The following MASP1 variants were observed in gnomAD, a reference collection of about 807,000 sequenced individuals.
MASP1 encodes the protein MBL associated serine protease 1.
A neutral mutation model predicts 77.1 loss-of-function variants in MASP1; 59 were observed. The observed-to-expected ratio is 0.77, with a 90% CI of 0.62 to 0.95. The LOEUF (loss-of-function observed/expected upper bound fraction) is 0.95. Ranked by LOEUF, MASP1 falls within the 40% of genes least tolerant of loss-of-function variation. The pLI, the probability that MASP1 is intolerant of heterozygous loss-of-function variation, is 0.00. For missense variants in MASP1, 885 were observed against 912.9 expected (o/e 0.97, Z 0.39); for synonymous variants, 362 against 354.5 (o/e 1.02, Z -0.24).
chr3:187,241,394 C>G (rs1713624393), intron 10 of MASP1, 87 bp downstream of exon 10: 1 of 1,020,850 alleles, frequency 9.8e-7, no homozygotes, highest in East Asian at 2.4e-5. Context: ...CCCCTGTCCC[C>G]CATCACCCTG....
At chr3:187,268,455 C>A (rs962240734) in intron 2 of MASP1, among the ~76,000 whole-genome samples, 1 of 150,798 alleles carries the variant, frequency 6.6e-6, no homozygotes, top group Non-Finnish European at 1.5e-5. Context: ...CCACTACACT[C>A]CAGCCTGGGC....
At chr3:187,247,272 G>T in intron 8 of MASP1, 1 of 1,613,670 alleles carries the variant, frequency 6.2e-7, no homozygotes, top group South Asian at 1.1e-5. Flanking sequence ...GCAGCTCTGG[G>T]CCCCAGGGGT....
intron 13 of MASP1, chr3:187,223,304 C>T (rs1014961726): frequency 1.1e-6 from 1 of 913,100 alleles, no homozygotes; most frequent in African/African-American, 1.6e-5. Context: ...CTGGATTGTT[C>T]TTCTCAGAGA....
chr3:187,237,923 C>T (rs1233841145), intron 10 of MASP1, among the ~76,000 whole-genome samples: 1 of 152,212 alleles, frequency 6.6e-6, no homozygotes, highest in Non-Finnish European at 1.5e-5. Flanking sequence ...AGATGCTCTT[C>T]TTCCTGAGGC....
Position 187,262,578 on chromosome 3 carries a change from C to G in MASP1, c.380G>C (p.Arg127Pro). 1 of 1,614,106 alleles carries G rather than the reference C, an allele frequency of 6.2e-7. No individual in the cohort carries two copies. The highest frequency in any genetic ancestry group is 8.5e-7 in the Non-Finnish European group (1 of 1,180,018). The change falls in exon 3 of 11, where the codon CGT becomes CCT. Residue 127 changes from arginine (R) to proline (P), a missense_variant. Transcript: ENST00000296280. ...TFRSDFSNEE[R>P]FTGFDAHYMA... Reference sequence around the variant, plus strand: ...GTAGTGGGCATCAAAGCCTGTGAAACGCTCCTCATTGGAGAAATCTGACCG... The same window carrying G: ...GTAGTGGGCATCAAAGCCTGTGAAAGGCTCCTCATTGGAGAAATCTGACCG...
chr3:187,282,083 G>C (rs1717462513), intron 2 of MASP1, among the ~76,000 whole-genome samples: 1 of 152,174 alleles, frequency 6.6e-6, no homozygotes. Context: ...AGAGCAGCAA[G>C]ATTCAAGCCA....
At chr3:187,226,729 G>A (rs1712458320) in intron 11 of MASP1, among the ~76,000 whole-genome samples, 1 of 152,118 alleles carries the variant, frequency 6.6e-6, no homozygotes, top group Admixed American at 6.5e-5. Context: ...ATTTTTACCT[G>A]CCTATTCCAA....
At chr3:187,250,456 G>T in intron 7 of MASP1, 127 bp from the exon 8 acceptor site, 1 of 778,454 alleles carries the variant, frequency 1.3e-6, no homozygotes. Context: ...CCACCCATGG[G>T]CTTCCAAGGG....
At chr3:187,267,124 A>G (rs1716104196) in intron 2 of MASP1, among the ~76,000 whole-genome samples, 1 of 152,222 alleles carries the variant, frequency 6.6e-6, no homozygotes, top group Non-Finnish European at 1.5e-5. Flanking sequence ...TGGTGAATCT[A>G]GTGAGTGGTG....
At chr3:187,260,467 A>G (rs3815622) in intron 4 of MASP1, among the ~76,000 whole-genome samples, 3 of 152,172 alleles carry the variant, frequency 2.0e-5, no homozygotes, top group Non-Finnish European at 4.4e-5. Flanking sequence ...ATTGCCTACA[A>G]TAGGATAGGA....
Position 187,229,048 on chromosome 3 carries a change from G to A in MASP1, c.1441+712C>T, listed in dbSNP as rs142777861. ...GCCTTCTTCCTTGGGGGTGGGATCC[G>A]ATGCAGAAGTGGTCTAGATAGCCTA... On this transcript the variant is annotated intron_variant, in intron 11 of 15. Coordinates refer to the MASP1 transcript ENST00000337774. Among the ~76,000 whole-genome samples, 156 of 152,294 alleles carry A rather than the reference G, an allele frequency of 1.0e-3. 1 individual carries two copies. Among genetic ancestry groups the A allele is most frequent in the African/African-American group, 3.4e-3 (141 of 41,554 alleles).
intron 2 of MASP1, among the ~76,000 whole-genome samples, chr3:187,282,415 T>C (rs850299): frequency 4.7e-4 from 70 of 150,060 alleles, no homozygotes; most frequent in Non-Finnish European, 7.8e-4. Flanking sequence ...GGGAATCACT[T>C]GAACCCGGGA....
chr3:187,288,315 C>T (rs1397394322), intron 1 of MASP1, among the ~76,000 whole-genome samples: 1 of 152,170 alleles, frequency 6.6e-6, no homozygotes, highest in African/African-American at 2.4e-5. Flanking sequence ...AACCAGGTGG[C>T]AGGGCCCAGG....
At position 187,235,962 on chromosome 3, in the gene MASP1, G is replaced by A. The variant is rs770101396; in HGVS notation, c.1909C>T (p.Arg637Cys). 15 of 1,614,088 alleles carry A rather than the reference G, an allele frequency of 9.3e-6. No homozygotes were observed. The highest frequency in any genetic ancestry group is 1.3e-5 in the Non-Finnish European group (15 of 1,180,050). Residue 637 changes from arginine to cysteine, a missense_variant, in exon 11 of 11, where the codon CGC (arginine) becomes TGC (cysteine). Arg to Cys is a radical substitution (Grantham distance 180). Transcript: ENST00000296280. ...HAECKTSYES[R>C]SGNYSVTENM... Reference sequence around the variant, plus strand: ...TCCGTGACGCTGTAATTGCCCGAGCGGGACTCATAGCTAGTTTTGCACTCA... The same window carrying A: ...TCCGTGACGCTGTAATTGCCCGAGCAGGACTCATAGCTAGTTTTGCACTCA...
At chr3:187,230,361 G>T (rs1399882088), downstream of MASP1, among the ~76,000 whole-genome samples, 1 of 152,254 alleles carries the variant, frequency 6.6e-6, no homozygotes, top group Non-Finnish European at 1.5e-5. Flanking sequence ...GGAGCTGAAA[G>T]TTGAGGGACA....
chr3:187,268,790 G>A (rs1716270701), intron 2 of MASP1, among the ~76,000 whole-genome samples: 1 of 152,196 alleles, frequency 6.6e-6, no homozygotes, highest in Admixed American at 6.5e-5. Context: ...TTTAAGGCCG[G>A]GTGTGGTGGC....
downstream of MASP1, among the ~76,000 whole-genome samples, chr3:187,230,617 TC>T (rs1310524769): frequency 6.6e-6 from 1 of 152,136 alleles, no homozygotes; most frequent in African/African-American, 2.4e-5. Context: ...GAGTTGAAGA[TC>T]CCCTCCACCA....
rs193073099 is a variant in MASP1 at position 187,251,896 on chromosome 3, G to A, written c.893-144C>T. 2.1e-4 allele frequency: 155 copies of A among 722,896 alleles called. No individual in the cohort carries two copies. The African/African-American group carries it at 2.3e-3, about 11-fold the overall frequency. 44.8% of individuals were successfully genotyped at this position (722,896 alleles called of 1,614,324 possible). A position where few individuals can be genotyped will look rare whatever the true frequency, so the allele number is the denominator to read the frequency against. ...GGCATGGATCTTCCAAGCCCTGCAA[G>A]AGACTAATTCTGGAACCGTGAATAG... is the stretch of plus-strand genomic sequence containing the variant. On this transcript the variant is annotated intron_variant, in intron 6 of 10. Coordinates refer to ENST00000296280, the MANE Select transcript of MASP1 (RefSeq NM_139125.4).
At chr3:187,256,468 G>T in intron 5 of MASP1, 196 bp downstream of exon 5, 1 of 642,264 alleles carries the variant, frequency 1.6e-6, no homozygotes, top group East Asian at 2.8e-5. Flanking sequence ...TGGCCAGTGG[G>T]GTCATTTCGG....
Sources: allele counts gnomAD v4.1 joint callset (sites outside exome capture counted in the v4.1 genomes callset), GRCh38; gene constraint gnomAD v4.1.1; transcripts MANE v1.5; gene names NCBI Gene and HGNC (gene_info 2026-07-23, HGNC 2026-07-21).